DNAH9: variants seen among roughly 807,000 people sequenced by gnomAD.
DNAH9 encodes the protein DNAH9 variant protein.
Under a neutral mutation model 471.6 loss-of-function variants are expected in DNAH9, and 345 were observed. That is an observed-to-expected ratio of 0.73 (90% CI 0.67 to 0.80). The LOEUF (loss-of-function observed/expected upper bound fraction) is 0.80. Among genes scored for constraint, DNAH9 ranks in the 30% least tolerant of loss-of-function variants. The pLI is 0.00. For synonymous variants in DNAH9, 2,093 were observed against 2,123.6 expected (o/e 0.99, Z 0.40); for missense variants, 5,407 against 5,609.2 (o/e 0.96, Z 1.15).
chr17:11,797,863 T>C (rs539002562), intron 43 of DNAH9, 70 bp downstream of exon 43: 2 of 1,493,582 alleles, frequency 1.3e-6, no homozygotes, highest in Non-Finnish European at 1.8e-6. Context: ...CTCATTCGGC[T>C]ATTTGAGGTC....
chr17:11,819,694 G>A (rs1970243099), intron 45 of DNAH9, among the ~76,000 whole-genome samples: 1 of 152,182 alleles, frequency 6.6e-6, no homozygotes, highest in Admixed American at 6.5e-5. Flanking sequence ...TTATGGAAAA[G>A]CAAAGAATGA....
At chr17:11,717,971 TCAAA>T (rs755616783) in intron 26 of DNAH9, among the ~76,000 whole-genome samples, 4 of 152,098 alleles carry the variant, frequency 2.6e-5, no homozygotes, top group Non-Finnish European at 5.9e-5. Flanking sequence ...CCTCCCAGGC[TCAAA>T]CAATCATTCC....
At chr17:11,883,084 C>A in intron 55 of DNAH9, 33 of 987,474 alleles carry the variant, frequency 3.3e-5, no homozygotes, top group Non-Finnish European at 3.4e-5. Flanking sequence ...ACCAGCACCC[C>A]ACTCCAGCCT....
rs986154610 is a variant in DNAH9, at chr17:11,690,136, G to A, written c.4314G>A (p.Lys1438=). ...AGATGGGTATGGAGAAAACCTTAAA[G>A]GAGCTGCAGACTACCTGGGCTGGCA... is the stretch of plus-strand genomic sequence containing the variant. The part of the protein sequence containing the change: ...AKEMGMEKTL[K]ELQTTWAGME... The change falls in exon 20 of 69, where the codon AAG becomes AAA. Residue 1438 remains lysine (K), a synonymous_variant. Transcript: ENST00000262442. The A allele has an allele frequency of 4.3e-6, 7 of 1,614,082 alleles. No homozygotes were observed. The African/African-American group carries it at 8.0e-5, about 18-fold the overall frequency.
At chr17:11,850,119 A>G (rs1971365043) in intron 49 of DNAH9, among the ~76,000 whole-genome samples, 1 of 152,218 alleles carries the variant, frequency 6.6e-6, no homozygotes, top group African/African-American at 2.4e-5. Context: ...GAAAAAAGAA[A>G]AATGTGGAGT....
intron 66 of DNAH9, among the ~76,000 whole-genome samples, chr17:11,938,840 C>T (rs1035515586): frequency 6.6e-6 from 1 of 152,118 alleles, no homozygotes; most frequent in African/African-American, 2.4e-5. Flanking sequence ...CTGAAGCAAT[C>T]CTCTCATTTT....
chr17:11,904,630 C>CAA (rs202059757), intron 60 of DNAH9, among the ~76,000 whole-genome samples: 1,344 of 111,260 alleles, frequency 0.012, 136 homozygotes, highest in African/African-American at 0.058. Flanking sequence ...GACTCCATCT[C>CAA]AAAAAAAAAA....
At chr17:11,890,806 C>T (rs1368872854) in intron 57 of DNAH9, among the ~76,000 whole-genome samples, 1 of 152,084 alleles carries the variant, frequency 6.6e-6, no homozygotes, top group East Asian at 1.9e-4. Flanking sequence ...ACTCCCGCTT[C>T]AGCTTCCCAA....
chr17:11,629,560 C>T lies in DNAH9; in HGVS notation c.1494C>T (p.Ser498=), dbSNP rs374206604. The change falls in exon 7 of 69, where the codon TCC becomes TCT. Residue 498 remains serine (S), a synonymous_variant. Coordinates refer to ENST00000262442, the MANE Select transcript of DNAH9 (RefSeq NM_001372.4). ...EMYRLLSGSS[S]DCLYLQSTDF... ...ACAGGCTTCTCTCAGGATCCTCCTC[C>T]GACTGCCTGTACCTCCAAAGCACGG... 2.5e-4 allele frequency: 401 copies of T among 1,613,672 alleles called. No individual in the cohort carries two copies. The highest frequency in any genetic ancestry group is 3.1e-4 in the Non-Finnish European group (366 of 1,179,942).
At chr17:11,764,703 T>A (rs1438955746) in intron 36 of DNAH9, among the ~76,000 whole-genome samples, 3 of 150,104 alleles carry the variant, frequency 2.0e-5, no homozygotes, top group African/African-American at 7.4e-5. Context: ...AAGATTTCCT[T>A]TTTCTTAAAA....
rs954141026 is a variant in DNAH9 at position 11,665,904 on chromosome 17, G to A, written c.2731+936G>A. 2.0e-5 allele frequency among the ~76,000 whole-genome samples: 3 copies of A among 152,222 alleles called. No individual in the cohort carries two copies. In the South Asian group the frequency reaches 6.2e-4, roughly 32 times the overall value. ...GAGACTACATGCAGACACCTACGTT[G>A]AGAATCCAGAGAGAAGGAAGGCCCA... On this transcript the variant is annotated intron_variant, in intron 15 of 68. Coordinates refer to ENST00000262442, the MANE Select transcript of DNAH9 (RefSeq NM_001372.4).
Position 11,781,183 on chromosome 17 carries a change from G to T in DNAH9, c.7718+9G>T. On this transcript the variant is annotated intron_variant, in intron 39 of 68. Transcript: ENST00000262442. ...CTGGACTATGGCCACTGGTAAGAGC[G>T]CCCATGTAGAGGGACTGGCCCAAGG... is the stretch of plus-strand genomic sequence containing the variant. The T allele has an allele frequency of 6.2e-7, 1 of 1,612,868 alleles. No homozygotes were observed. Among genetic ancestry groups the T allele is most frequent in the Non-Finnish European group, 8.5e-7 (1 of 1,179,274 alleles).
intron 43 of DNAH9, among the ~76,000 whole-genome samples, chr17:11,805,689 G>T (rs781473167): frequency 4.6e-5 from 7 of 151,512 alleles, no homozygotes; most frequent in South Asian, 2.1e-4. Flanking sequence ...CTAGCAGGTG[G>T]GATTACAAGC....
Position 11,753,385 on chromosome 17 carries a change from T to G in DNAH9, c.6738+425T>G, listed in dbSNP as rs564480951. 1.3e-4 allele frequency among the ~76,000 whole-genome samples: 20 copies of G among 152,280 alleles called. No individual in the cohort carries two copies. In the South Asian group the frequency reaches 3.9e-3, roughly 30 times the overall value. ...TGTTCCATTGAGAGGCTATTTTATT[T>G]TTTATAAACAATGAAACCTCTGTAG... On this transcript the variant is annotated intron_variant, in intron 33 of 68. Coordinates refer to ENST00000262442, the MANE Select transcript of DNAH9 (RefSeq NM_001372.4).
chr17:11,881,744 TA>T (rs1972729846), intron 55 of DNAH9, among the ~76,000 whole-genome samples: 1 of 151,954 alleles, frequency 6.6e-6, no homozygotes, highest in Non-Finnish European at 1.5e-5. Context: ...CCATCTCTAC[TA>T]AAAAATAAAT....
chr17:11,902,901 C>G lies in DNAH9; in HGVS notation c.11589C>G (p.Thr3863=). The G allele has an allele frequency of 1.9e-6, 3 of 1,612,816 alleles. No homozygotes were observed. The highest frequency in any genetic ancestry group is 1.1e-5 in the South Asian group (1 of 91,022). The change falls in exon 60 of 69, where the codon ACC becomes ACG. Residue 3863 remains threonine (T), a synonymous_variant. Transcript: ENST00000262442. ...GAGCCATGCGGCCCGACCGGATGAC[C>G]TATGCTTTGCGGTAGGAAACAGGGT... ...MLRAMRPDRM[T]YALRDFVEEK...
chr17:11,773,794 C>T (rs911814332), intron 38 of DNAH9, among the ~76,000 whole-genome samples: 2 of 152,150 alleles, frequency 1.3e-5, no homozygotes, highest in African/African-American at 4.8e-5. Context: ...TTAACAGATG[C>T]TAAAGTGTTA....
At chr17:11,722,876 A>G (rs764039150) in intron 27 of DNAH9, among the ~76,000 whole-genome samples, 1 of 152,176 alleles carries the variant, frequency 6.6e-6, no homozygotes, top group Non-Finnish European at 1.5e-5. Flanking sequence ...ATGCTATTGC[A>G]GGGACATCAA....
intron 4 of DNAH9, chr17:11,612,406 A>G (rs2072658017): frequency 6.2e-6 from 1 of 162,546 alleles, no homozygotes; most frequent in Non-Finnish European, 1.3e-5. Context: ...TCTGGAAACT[A>G]CTAGAAGAAA....
Sources: allele counts gnomAD v4.1 joint callset (sites outside exome capture counted in the v4.1 genomes callset), GRCh38; gene constraint gnomAD v4.1.1; transcripts MANE v1.5; gene names NCBI Gene and HGNC (gene_info 2026-07-23, HGNC 2026-07-21).